The following RPAP3 variants were observed in gnomAD, a reference collection of about 807,000 sequenced individuals.
RPAP3 encodes RNA polymerase II-associated protein 3.
A neutral mutation model predicts 88.8 loss-of-function variants in RPAP3; 58 were observed. That is an observed-to-expected ratio of 0.65 (90% CI 0.53 to 0.81). The LOEUF is 0.81. RPAP3 is among the 40% of genes least tolerant of loss of function. The probability of loss-of-function intolerance (pLI) is 0.00; values close to 1 mark genes in which losing one functional copy is unlikely to be tolerated. For missense variants in RPAP3, 751 were observed against 764.3 expected (o/e 0.98, Z 0.20); for synonymous variants, 255 against 259.9 (o/e 0.98, Z 0.18).
Position 47,679,718 on chromosome 12 carries a change from A to G in RPAP3, c.1171T>C (p.Ser391Pro). ...PGNKQAVTEL[S>P]KIKKELIEKG... ...GAATACATTACCTTTTTAATTTTGG[A>G]GAGTTCAGTTACTGCTTGCTTATTT... The change falls in exon 11 of 17, where the codon TCC becomes CCC. Residue 391 changes from serine (S) to proline (P), a missense_variant. Coordinates refer to ENST00000005386, the MANE Select transcript of RPAP3 (RefSeq NM_024604.3). 1 of 1,604,856 alleles carries G rather than the reference A, an allele frequency of 6.2e-7. No individual in the cohort carries two copies. Among genetic ancestry groups the G allele is most frequent in the Non-Finnish European group, 8.5e-7 (1 of 1,174,840 alleles).
At chr12:47,679,441 C>A in intron 12 of RPAP3, 52 bp downstream of exon 12, 1 of 1,187,462 alleles carries the variant, frequency 8.4e-7, no homozygotes, top group Non-Finnish European at 1.2e-6. Flanking sequence ...TTCCAATTCT[C>A]CTATTACAAC....
chr12:47,705,655 G>T (rs1939777378), intron 1 of RPAP3, among the ~76,000 whole-genome samples: 2 of 152,182 alleles, frequency 1.3e-5, no homozygotes, highest in African/African-American at 4.8e-5. Context: ...CCCCACCTCG[G>T]TCTTTGCGGG....
intron 3 of RPAP3, among the ~76,000 whole-genome samples, chr12:47,698,844 C>A (rs372773636): frequency 6.6e-6 from 1 of 152,138 alleles, no homozygotes; most frequent in South Asian, 2.1e-4. Context: ...TAAATACAAA[C>A]TTTAATTATT....
At chr12:47,664,213 C>T (rs1270354871) in intron 16 of RPAP3, among the ~76,000 whole-genome samples, 1 of 152,052 alleles carries the variant, frequency 6.6e-6, no homozygotes, top group Non-Finnish European at 1.5e-5. Flanking sequence ...CACGGTGAAA[C>T]CCCGTCTCTA....
intron 9 of RPAP3, among the ~76,000 whole-genome samples, chr12:47,682,641 A>G (rs1939246166): frequency 1.3e-5 from 2 of 151,918 alleles, no homozygotes; most frequent in Non-Finnish European, 2.9e-5. Flanking sequence ...AGTTTATTAT[A>G]CTACTTTTGT....
At chr12:47,698,451 G>T (rs1939582106) in intron 3 of RPAP3, among the ~76,000 whole-genome samples, 1 of 151,960 alleles carries the variant, frequency 6.6e-6, no homozygotes, top group Admixed American at 6.6e-5. Flanking sequence ...TAATTTCATA[G>T]ACCTCCACCA....
intron 1 of RPAP3, among the ~76,000 whole-genome samples, chr12:47,704,598 G>A (rs889154718): frequency 6.6e-6 from 1 of 151,152 alleles, no homozygotes; most frequent in Non-Finnish European, 1.5e-5. Flanking sequence ...GGCTGGTCTC[G>A]AACTCCTGAC....
In RPAP3 at chr12:47,663,029, A is replaced by G. The variant is rs2136599710; in HGVS notation, c.*476T>C. 6.6e-6 allele frequency: 1 copy of G among 152,636 alleles called. No homozygotes were observed. Among genetic ancestry groups the G allele is most frequent in the South Asian group, 2.1e-4 (1 of 4,848 alleles). The allele number at this position is 152,636 out of a possible 1,614,324, so 9.5% of individuals were successfully genotyped here. ...CAACATAAATACTAAAAATACATAC[A>G]TACCCTGCAACTAAATAACTTCATG... On this transcript the variant is annotated 3_prime_UTR_variant, in exon 17 of 17. Transcript: ENST00000005386.
At position 47,671,617 on chromosome 12, in the gene RPAP3, A is replaced by C. The variant is rs184309286; in HGVS notation, c.1288-1272T>G. On this transcript the variant is annotated intron_variant, in intron 12 of 16. Transcript: ENST00000005386. ...TCAAGCAGTTCTATTTTAAAGAATA[A>C]TCATATTAAGTTAAGGCCTATGCTT... Among the ~76,000 whole-genome samples, 5 of 152,342 alleles carry C rather than the reference A, an allele frequency of 3.3e-5. No homozygotes were observed. In the East Asian group the frequency reaches 9.6e-4, roughly 29 times the overall value.
At chr12:47,698,117 A>G (rs896251446) in intron 3 of RPAP3, among the ~76,000 whole-genome samples, 1 of 152,114 alleles carries the variant, frequency 6.6e-6, no homozygotes, top group Admixed American at 6.6e-5. Flanking sequence ...AAAACAAAAA[A>G]CTGCTATTTT....
chr12:47,705,305 T>C (rs1939765546), intron 1 of RPAP3, among the ~76,000 whole-genome samples: 1 of 152,232 alleles, frequency 6.6e-6, no homozygotes, highest in African/African-American at 2.4e-5. Context: ...TTCTGACTCG[T>C]AGCCTCAACA....
At chr12:47,696,019 A>C (rs937594029) in intron 5 of RPAP3, 1 of 285,512 alleles carries the variant, frequency 3.5e-6, no homozygotes, top group Non-Finnish European at 6.4e-6. Context: ...TGAATTAGAA[A>C]AGAACACTAT....
intron 15 of RPAP3, 118 bp from the exon 16 acceptor site, chr12:47,667,198 G>T: frequency 5.1e-6 from 2 of 393,036 alleles, no homozygotes. Context: ...TTTTCCCCTG[G>T]ATACCTGTAT....
chr12:47,696,242 A>G, intron 5 of RPAP3, 34 bp downstream of exon 5: 1 of 1,471,074 alleles, frequency 6.8e-7, no homozygotes, highest in Non-Finnish European at 9.0e-7. Context: ...TACATAAGAC[A>G]TTCACATTCA....
At position 47,696,293 on chromosome 12, in the gene RPAP3, T is replaced by C. The variant is rs1939524235; in HGVS notation, c.528A>G (p.Ala176=). ...NPVLPTNRAS[A]YFRLKKFAVA... ...GTCCTTACTTTTTCAGTCTAAAATA[T>C]GCTGACGCTCTGTTCGTTGGCAACA... is the stretch of plus-strand genomic sequence containing the variant. Residue 176 remains alanine (A), a synonymous_variant, in exon 5 of 17, where the codon GCA becomes GCG. Coordinates refer to ENST00000005386, the MANE Select transcript of RPAP3 (RefSeq NM_024604.3). The C allele has an allele frequency of 6.4e-7, 1 of 1,565,554 alleles. No individual in the cohort carries two copies. Among genetic ancestry groups the C allele is most frequent in the South Asian group, 1.2e-5 (1 of 81,446 alleles).
At chr12:47,702,050 G>A (rs1267885703) in intron 2 of RPAP3, among the ~76,000 whole-genome samples, 1 of 151,870 alleles carries the variant, frequency 6.6e-6, no homozygotes, top group African/African-American at 2.4e-5. Flanking sequence ...ATGCCAATAT[G>A]GTATGTTAAT....
chr12:47,694,987 T>G (rs1034092697), intron 5 of RPAP3, among the ~76,000 whole-genome samples: 1 of 152,106 alleles, frequency 6.6e-6, no homozygotes, highest in Admixed American at 6.5e-5. Flanking sequence ...GCCATCATCC[T>G]GTGAAGCTGA....
chr12:47,663,704 C>G, intron 16 of RPAP3, 114 bp from the exon 17 acceptor site: 1 of 549,090 alleles, frequency 1.8e-6, no homozygotes, highest in Non-Finnish European at 3.1e-6. Context: ...TAAAGCAATA[C>G]ATAGGTTTAT....
chr12:47,665,116 G>C (rs1040148636), intron 16 of RPAP3, among the ~76,000 whole-genome samples: 3 of 146,874 alleles, frequency 2.0e-5, no homozygotes, highest in African/African-American at 7.6e-5. Context: ...TTTTGAGACA[G>C]AGTTTCACTC....
Sources: gnomAD v4.1 joint callset for allele counts (sites outside exome capture counted in the v4.1 genomes callset) on GRCh38, gnomAD v4.1.1 for gene constraint, MANE v1.5 for transcripts, NCBI Gene and HGNC (gene_info 2026-07-23, HGNC 2026-07-21) for gene names.